The following KLHL32 variants were observed in gnomAD, a reference collection of about 807,000 sequenced individuals.
KLHL32 encodes the protein kelch like family member 32.
KLHL32 carries 35 observed loss-of-function variants against 64.8 expected under a neutral mutation model. That is an observed-to-expected ratio of 0.54 (90% CI 0.41 to 0.72). The LOEUF (loss-of-function observed/expected upper bound fraction) is 0.72. Ranked by LOEUF, KLHL32 falls within the 30% of genes least tolerant of loss-of-function variation. The probability of loss-of-function intolerance (pLI) is 0.00; values close to 1 mark genes in which losing one functional copy is unlikely to be tolerated. For synonymous variants in KLHL32, 259 were observed against 281.0 expected, an observed-to-expected ratio of 0.92 and a Z score of 0.78; for missense variants, 589 against 768.5, an observed-to-expected ratio of 0.77 and a Z score of 2.76.
chr6:97,104,992 T>TATA (rs1419001014), intron 6 of KLHL32, among the ~76,000 whole-genome samples: 1 of 152,238 alleles, frequency 6.6e-6, no homozygotes, highest in Non-Finnish European at 1.5e-5. Flanking sequence ...ACACCATTAT[T>TATA]TCACCTTACA....
intron 4 of KLHL32, among the ~76,000 whole-genome samples, chr6:97,055,305 C>T (rs1787616589): frequency 6.6e-6 from 1 of 152,146 alleles, no homozygotes; most frequent in Non-Finnish European, 1.5e-5. Flanking sequence ...ATTCTCAACC[C>T]TCCCTGTTTC....
intron 5 of KLHL32, among the ~76,000 whole-genome samples, chr6:97,068,881 G>A (rs1790240180): frequency 1.3e-5 from 2 of 152,116 alleles, no homozygotes. Flanking sequence ...TTTTATTCAT[G>A]GACATTAATT....
At chr6:96,984,529 C>T (rs946522534) in intron 3 of KLHL32, among the ~76,000 whole-genome samples, 5 of 152,148 alleles carry the variant, frequency 3.3e-5, no homozygotes, top group African/African-American at 1.2e-4. Flanking sequence ...TTATAGGTCT[C>T]TAAGGACTTG....
intron 3 of KLHL32, among the ~76,000 whole-genome samples, chr6:97,032,978 A>G (rs963767369): frequency 5.3e-5 from 8 of 151,950 alleles, no homozygotes; most frequent in South Asian, 2.1e-4. Flanking sequence ...AAAAAACAAC[A>G]ACAGAAACTG....
At chr6:97,024,254 C>T (rs531935097) in intron 3 of KLHL32, among the ~76,000 whole-genome samples, 18 of 152,318 alleles carry the variant, frequency 1.2e-4, no homozygotes, top group East Asian at 3.9e-4. Flanking sequence ...GGTAGATATT[C>T]GATAAGCATT....
intron 1 of KLHL32, among the ~76,000 whole-genome samples, chr6:96,943,799 G>A (rs1771620171): frequency 6.6e-6 from 1 of 152,194 alleles, no homozygotes; most frequent in Non-Finnish European, 1.5e-5. Flanking sequence ...GCCATCTGGG[G>A]AAGGGAAAAG....
At chr6:96,902,946 A>G in the KLHL32 span, among the ~76,000 whole-genome samples, 1 of 152,106 alleles carries the variant, frequency 6.6e-6, no homozygotes, top group African/African-American at 2.4e-5. Context: ...CCATTGGCCT[A>G]TGTGTCTGTT....
chr6:97,029,311 G>T (rs893866325), intron 3 of KLHL32, among the ~76,000 whole-genome samples: 4 of 152,122 alleles, frequency 2.6e-5, no homozygotes, highest in African/African-American at 9.7e-5. Context: ...GCTGTGAAAT[G>T]CAGCTAGATC....
chr6:97,136,683 G>A (rs1800058330), intron 10 of KLHL32, among the ~76,000 whole-genome samples: 2 of 152,024 alleles, frequency 1.3e-5, no homozygotes, highest in Non-Finnish European at 2.9e-5. Context: ...TTTTTGGCTG[G>A]AGGATACAGT....
chr6:96,919,086 A>G, the KLHL32 span, among the ~76,000 whole-genome samples: 2 of 152,150 alleles, frequency 1.3e-5, no homozygotes, highest in Non-Finnish European at 2.9e-5. Flanking sequence ...AGACTTGACC[A>G]ATTAGATTCT....
chr6:97,113,712 C>A (rs2128210064), intron 6 of KLHL32, 71 bp from the exon 7 acceptor site: 1 of 1,546,016 alleles, frequency 6.5e-7, no homozygotes, highest in East Asian at 2.3e-5. Flanking sequence ...AGGTAACCTA[C>A]CTATATGCTG....
At chr6:96,979,028 TTATAGA>T (rs932761235) in intron 3 of KLHL32, among the ~76,000 whole-genome samples, 1 of 152,188 alleles carries the variant, frequency 6.6e-6, no homozygotes, top group African/African-American at 2.4e-5. Flanking sequence ...TTTAACTTCT[TTATAGA>T]TTCTGGATAG....
intron 3 of KLHL32, among the ~76,000 whole-genome samples, chr6:97,032,992 C>T (rs1783782768): frequency 6.6e-6 from 1 of 151,146 alleles, no homozygotes; most frequent in Non-Finnish European, 1.5e-5. Flanking sequence ...GAAACTGGTG[C>T]TTCTCCTAAC....
chr6:97,134,102 G>C (rs933310319), intron 10 of KLHL32, among the ~76,000 whole-genome samples: 2 of 151,954 alleles, frequency 1.3e-5, no homozygotes, highest in Admixed American at 1.3e-4. Context: ...AAAATTCCCA[G>C]AACTGTGATA....
chr6:97,036,821 G>A (rs905865960), intron 3 of KLHL32, among the ~76,000 whole-genome samples: 22 of 152,332 alleles, frequency 1.4e-4, no homozygotes, highest in Admixed American at 3.3e-4. Context: ...GGGGATGCAA[G>A]GCATGGGCTC....
intron 3 of KLHL32, among the ~76,000 whole-genome samples, chr6:97,034,762 A>G (rs1784049569): frequency 6.6e-6 from 1 of 152,012 alleles, no homozygotes; most frequent in Non-Finnish European, 1.5e-5. Flanking sequence ...TTGTTATTGT[A>G]AATGGGATGG....
At chr6:97,064,872 T>A in intron 5 of KLHL32, 146 bp downstream of exon 5, 1 of 643,658 alleles carries the variant, frequency 1.6e-6, no homozygotes, top group South Asian at 1.9e-5. Context: ...GGACACAAGC[T>A]GAGAAGTTCC....
chr6:96,898,300 T>TA, the KLHL32 span, among the ~76,000 whole-genome samples: 6 of 152,328 alleles, frequency 3.9e-5, no homozygotes, highest in Middle Eastern at 3.4e-3. Context: ...AGTTAGCCGA[T>TA]AAAAATGGAA....
At chr6:96,928,152 C>G (rs1406318937) in intron 1 of KLHL32, among the ~76,000 whole-genome samples, 2 of 152,136 alleles carry the variant, frequency 1.3e-5, no homozygotes, top group African/African-American at 4.8e-5. Flanking sequence ...CATAGAAGCT[C>G]AGACACAGGG....
Sources: allele counts gnomAD v4.1 joint callset (sites outside exome capture counted in the v4.1 genomes callset), GRCh38; gene constraint gnomAD v4.1.1; transcripts MANE v1.5; gene names NCBI Gene and HGNC (gene_info 2026-07-23, HGNC 2026-07-21).